RCC1L: variants seen among roughly 807,000 people sequenced by gnomAD.
RCC1L encodes RCC1-like G exchanging factor-like protein.
RCC1L carries 46 observed loss-of-function variants against 58.6 expected under a neutral mutation model. That is an observed-to-expected ratio of 0.79 (90% CI 0.62 to 1.00). The LOEUF (loss-of-function observed/expected upper bound fraction) is 1.00. Among genes scored for constraint, RCC1L ranks in the 50% least tolerant of loss-of-function variants. RCC1L has a pLI of 0.00. For synonymous variants in RCC1L, 281 were observed against 262.9 expected (o/e 1.07, Z -0.67); for missense variants, 636 against 623.6 (o/e 1.02, Z -0.21).
In RCC1L at chr7:75,070,746, A is replaced by G; in HGVS notation, c.348T>C (p.Tyr116=). ...DQKISSAACG[Y]GFTLLSSKTA... The stretch of plus-strand genomic sequence containing the variant: ...TCTTAGAGGACAGCAGTGTGAATCC[A>G]TAGCCGCAAGCAGCAGATGAAATCT... The change falls in exon 2 of 11, where the codon TAT becomes TAC. Residue 116 remains tyrosine, a synonymous_variant. Coordinates refer to ENST00000610322, the MANE Select transcript of RCC1L (RefSeq NM_030798.5). The G allele has an allele frequency of 6.2e-7, 1 of 1,614,154 alleles. No individual in the cohort carries two copies. The highest frequency in any genetic ancestry group is 1.1e-5 in the South Asian group (1 of 91,084).
chr7:75,050,405 C>T (rs1330670186), intron 10 of RCC1L, among the ~76,000 whole-genome samples: 1 of 152,336 alleles, frequency 6.6e-6, no homozygotes, highest in East Asian at 1.9e-4. Flanking sequence ...CCGGCCACTC[C>T]CTGCCCGCAC....
chr7:75,048,222 G>A (rs2131982526), intron 10 of RCC1L, among the ~76,000 whole-genome samples: 1 of 143,152 alleles, frequency 7.0e-6, no homozygotes, highest in Non-Finnish European at 1.5e-5. Context: ...AGCCCAGATT[G>A]TGCCACTGTA....
In RCC1L at chr7:75,036,280, C is replaced by A. The variant is rs1303811746; in HGVS notation, c.1318-8201G>T. ...TACAGGCATGTGCCACCATGCCCGG[C>A]TAATTTTGTATTTTTAGTAGAGACG... is the stretch of plus-strand genomic sequence containing the variant. On this transcript the variant is annotated intron_variant, in intron 10 of 10. Coordinates refer to the RCC1L transcript ENST00000614461. Among the ~76,000 whole-genome samples the A allele has an allele frequency of 6.6e-5, 10 of 151,758 alleles. No homozygotes were observed. In the South Asian group the frequency reaches 2.1e-3, roughly 32 times the overall value.
intron 6 of RCC1L, among the ~76,000 whole-genome samples, chr7:75,060,855 G>A (rs1806253356): frequency 6.6e-6 from 1 of 151,630 alleles, no homozygotes; most frequent in Admixed American, 6.6e-5. Flanking sequence ...GCCACAGCAG[G>A]CAGACTGCTT....
At chr7:75,057,448 C>G in intron 8 of RCC1L, 81 bp downstream of exon 8, 1 of 1,457,134 alleles carries the variant, frequency 6.9e-7, no homozygotes, top group South Asian at 1.1e-5. Flanking sequence ...GGTCTACGGC[C>G]TGCAAATCCA....
intron 10 of RCC1L, among the ~76,000 whole-genome samples, chr7:75,033,227 G>A (rs1372821747): frequency 6.6e-6 from 1 of 152,148 alleles, no homozygotes; most frequent in Non-Finnish European, 1.5e-5. Flanking sequence ...AGCATTACAA[G>A]GGATGCAGTG....
intron 10 of RCC1L, among the ~76,000 whole-genome samples, chr7:75,051,828 A>G (rs1805923680): frequency 6.6e-6 from 1 of 152,294 alleles, no homozygotes; most frequent in South Asian, 2.1e-4. Context: ...GCACACACAC[A>G]CAAAGCACGC....
intron 10 of RCC1L, among the ~76,000 whole-genome samples, chr7:75,048,364 T>C (rs886632282): frequency 6.6e-6 from 1 of 151,692 alleles, no homozygotes; most frequent in Non-Finnish European, 1.5e-5. Flanking sequence ...CCCCAGCTTG[T>C]GTCTCCAGAC....
downstream of RCC1L, among the ~76,000 whole-genome samples, chr7:75,040,270 G>A (rs1312458089): frequency 6.6e-6 from 1 of 152,138 alleles, no homozygotes; most frequent in Non-Finnish European, 1.5e-5. Context: ...GACCAGCCTG[G>A]CCAACATAAC....
intron 1 of RCC1L, 38 bp downstream of exon 1, chr7:75,073,376 G>C: frequency 3.2e-6 from 3 of 929,842 alleles, no homozygotes; most frequent in Non-Finnish European, 4.4e-6. Flanking sequence ...GAGCGCGGAA[G>C]AGAGAGAAGG....
At chr7:75,071,260 GATTTACACATAGACCATAA>G (rs1554446049) in intron 1 of RCC1L, among the ~76,000 whole-genome samples, 1 of 152,124 alleles carries the variant, frequency 6.6e-6, no homozygotes, top group African/African-American at 2.4e-5. Context: ...TATGAAGGGT[GATTTACACATAGACCATAA>G]ATATAGTCTA....
intron 1 of RCC1L, among the ~76,000 whole-genome samples, chr7:75,071,382 C>T (rs1554446076): frequency 6.6e-6 from 1 of 152,128 alleles, no homozygotes; most frequent in African/African-American, 2.4e-5. Flanking sequence ...CGGTGGCTCA[C>T]ACCTGTAATC....
chr7:75,065,635 G>T (rs189043456), intron 3 of RCC1L, among the ~76,000 whole-genome samples: 154 of 152,296 alleles, frequency 1.0e-3, no homozygotes, highest in Middle Eastern at 3.4e-3. Context: ...TCTAAAAAGA[G>T]GCCATGTTAC....
chr7:75,031,137 TTCTC>T lies in RCC1L; in HGVS notation c.1318-3062_1318-3059del, dbSNP rs1446317920. 2.0e-5 allele frequency among the ~76,000 whole-genome samples: 3 copies of T among 152,160 alleles called. No individual in the cohort carries two copies. In the East Asian group the frequency reaches 5.8e-4, roughly 29 times the overall value. On this transcript the variant is annotated intron_variant, in intron 10 of 10. Transcript: ENST00000614461. ...TGATAACAGTCCCAAGCCCTCCTCTTTCTCTATGCCAAAATCATTTCCGTTATCC... is the reference window on the plus strand; with the variant it reads ...TGATAACAGTCCCAAGCCCTCCTCTTTATGCCAAAATCATTTCCGTTATCC...
At chr7:75,035,366 G>C (rs1805413564) in intron 10 of RCC1L, among the ~76,000 whole-genome samples, 1 of 152,172 alleles carries the variant, frequency 6.6e-6, no homozygotes, top group African/African-American at 2.4e-5. Flanking sequence ...CACAAGAAAA[G>C]CAGGCAGAAA....
chr7:75,038,588 G>T (rs1311785268), downstream of RCC1L, among the ~76,000 whole-genome samples: 1 of 151,556 alleles, frequency 6.6e-6, no homozygotes, highest in African/African-American at 2.4e-5. Context: ...GGTGGGGGCA[G>T]GAGTGCCTAG....
intron 1 of RCC1L, among the ~76,000 whole-genome samples, chr7:75,073,012 T>A (rs1455800602): frequency 1.3e-5 from 2 of 152,228 alleles, no homozygotes; most frequent in East Asian, 3.8e-4. Flanking sequence ...GTATACATTT[T>A]CAATGGACTT....
Position 75,042,357 on chromosome 7 carries a change from G to A in RCC1L, c.*675C>T, listed in dbSNP as rs1805590710. On this transcript the variant is annotated 3_prime_UTR_variant, in exon 11 of 11. Coordinates refer to ENST00000610322, the MANE Select transcript of RCC1L (RefSeq NM_030798.5). ...GGCGGATATGCTCGGGGCCCTCGGC[G>A]CAGAGGAACTTGGCCTCGATTCTCT... 1.0e-6 allele frequency: 1 copy of A among 985,692 alleles called. No individual in the cohort carries two copies. Among genetic ancestry groups the A allele is most frequent in the Non-Finnish European group, 1.2e-6 (1 of 830,112 alleles). The allele number at this position is 985,692 out of a possible 1,614,324, so 61.1% of individuals were successfully genotyped here.
Position 75,056,011 on chromosome 7 carries a change from C to G in RCC1L, c.1121G>C (p.Ser374Thr). The G allele has an allele frequency of 3.7e-6, 6 of 1,613,978 alleles. No homozygotes were observed. The highest frequency in any genetic ancestry group is 5.1e-6 in the Non-Finnish European group (6 of 1,179,870). The change falls in exon 9 of 11, where the codon AGT becomes ACT. Residue 374 changes from serine to threonine, a missense_variant. Coordinates refer to ENST00000610322, the MANE Select transcript of RCC1L (RefSeq NM_030798.5). ...ILGKGPNLVE[S>T]AVPEMIPPTL... is the part of the protein sequence containing the mutation. ...GGGTGGAATCATTTCAGGGACGGCA[C>G]TTTCCACTAGGTTTGGACCTTTCCC...
Sources: gnomAD v4.1 joint callset for allele counts (sites outside exome capture counted in the v4.1 genomes callset) on GRCh38, gnomAD v4.1.1 for gene constraint, MANE v1.5 for transcripts, NCBI Gene and HGNC (gene_info 2026-07-23, HGNC 2026-07-21) for gene names.